The following ASIP variants were observed in gnomAD, a reference collection of about 807,000 sequenced individuals.
ASIP encodes the protein agouti-signaling protein.
ASIP carries 11 observed loss-of-function variants against 10.3 expected under a neutral mutation model. The ratio of observed to expected loss-of-function variants is 1.07; its 90% CI spans 0.68 to 1.78. The LOEUF (loss-of-function observed/expected upper bound fraction) is 1.78, where lower values mean the gene tolerates loss of function less well. Ranked by LOEUF, ASIP falls within the 40% of genes most tolerant of loss-of-function variation. The pLI, the probability that ASIP is intolerant of heterozygous loss-of-function variation, is 0.00. For missense variants in ASIP, 180 were observed against 169.2 expected, an observed-to-expected ratio of 1.06 and a Z score of -0.35; for synonymous variants, 70 against 70.8, an observed-to-expected ratio of 0.99 and a Z score of 0.06.
intron 1 of ASIP, among the ~76,000 whole-genome samples, chr20:34,221,506 A>G (rs560223923): frequency 8.3e-4 from 127 of 152,274 alleles, no homozygotes; most frequent in Middle Eastern, 3.4e-3. Flanking sequence ...AATCTGATCC[A>G]TGGGTTGAAA....
chr20:34,209,925 C>T lies in ASIP; in HGVS notation c.-11+15165C>T, dbSNP rs2034962575. ...TAGTGGTGCCTTTTCCCAGCCCACC[C>T]ATGGCTGCCCATGGACCAATCAGTG... On this transcript the variant is annotated intron_variant, in intron 1 of 3. Coordinates refer to the ASIP transcript ENST00000568305. Among the ~76,000 whole-genome samples, 6 of 152,184 alleles carry T rather than the reference C, an allele frequency of 3.9e-5. No homozygotes were observed. The South Asian group carries it at 1.2e-3, about 32-fold the overall frequency.
chr20:34,226,346 G>A (rs931822234), intron 1 of ASIP, among the ~76,000 whole-genome samples: 2 of 151,566 alleles, frequency 1.3e-5, no homozygotes, highest in African/African-American at 4.8e-5. Context: ...CATTTATTCT[G>A]ATTTTTTTTT....
intron 1 of ASIP, among the ~76,000 whole-genome samples, chr20:34,251,025 G>A (rs898032021): frequency 6.6e-6 from 1 of 152,030 alleles, no homozygotes; most frequent in African/African-American, 2.4e-5. Context: ...GTGCACGCAC[G>A]TCAACAAGAC....
At chr20:34,214,328 A>T in intron 1 of ASIP, 1 of 1,328,922 alleles carries the variant, frequency 7.5e-7, no homozygotes, top group Non-Finnish European at 1.1e-6. Context: ...CAACTGTGAA[A>T]AACTTTTCAT....
At chr20:34,189,406 C>A in the ASIP span, among the ~76,000 whole-genome samples, 2 of 152,066 alleles carry the variant, frequency 1.3e-5, no homozygotes, top group African/African-American at 4.8e-5. Flanking sequence ...CCACGCCCGG[C>A]TAATTTTGTA....
At chr20:34,221,962 T>G (rs1406872940) in intron 1 of ASIP, among the ~76,000 whole-genome samples, 1 of 152,020 alleles carries the variant, frequency 6.6e-6, no homozygotes, top group East Asian at 1.9e-4. Context: ...ATACAAAAAT[T>G]AGCCAGGTGT....
At chr20:34,253,447 T>TTTA (rs753952407) in intron 1 of ASIP, among the ~76,000 whole-genome samples, 5,819 of 103,700 alleles carry the variant, frequency 0.056, 431 homozygotes, top group African/African-American at 0.36. Context: ...TTTTATTTTA[T>TTTA]TTTATTTATT....
chr20:34,259,964 T>C (rs1190401206), intron 1 of ASIP, among the ~76,000 whole-genome samples: 1 of 151,970 alleles, frequency 6.6e-6, no homozygotes, highest in Non-Finnish European at 1.5e-5. Context: ...ATTCTGTACA[T>C]CTTAATAAAA....
At chr20:34,192,193 A>C (rs536304892), upstream of ASIP, among the ~76,000 whole-genome samples, 1 of 151,274 alleles carries the variant, frequency 6.6e-6, no homozygotes, top group African/African-American at 2.4e-5. Flanking sequence ...TGAGCCACCA[A>C]GCCCAGGTAA....
chr20:34,263,380 C>T (rs975439148), intron 3 of ASIP, among the ~76,000 whole-genome samples: 2 of 152,128 alleles, frequency 1.3e-5, no homozygotes, highest in African/African-American at 2.4e-5. Context: ...GCCTGGCCAA[C>T]ATGGTGAAAC....
At chr20:34,257,649 A>G (rs1228274959) in intron 1 of ASIP, among the ~76,000 whole-genome samples, 1 of 152,148 alleles carries the variant, frequency 6.6e-6, no homozygotes, top group Admixed American at 6.5e-5. Flanking sequence ...ACAGCATGAT[A>G]TAATAATAAG....
At chr20:34,220,555 A>G (rs533038122) in intron 1 of ASIP, among the ~76,000 whole-genome samples, 1 of 151,952 alleles carries the variant, frequency 6.6e-6, no homozygotes, top group East Asian at 1.9e-4. Context: ...AGATCATGCC[A>G]CTGCACTCCA....
intron 1 of ASIP, among the ~76,000 whole-genome samples, chr20:34,252,699 G>C (rs918242898): frequency 6.6e-6 from 1 of 152,120 alleles, no homozygotes; most frequent in Non-Finnish European, 1.5e-5. Context: ...CCCTTTATGG[G>C]TGTCGGGTTG....
chr20:34,195,622 G>A (rs970185820), intron 1 of ASIP, among the ~76,000 whole-genome samples: 1 of 152,176 alleles, frequency 6.6e-6, no homozygotes, highest in African/African-American at 2.4e-5. Context: ...TAAGAAAGCT[G>A]ACCGACATTT....
intron 2 of ASIP, among the ~76,000 whole-genome samples, chr20:34,261,170 A>G (rs531759754): frequency 1.3e-5 from 2 of 152,318 alleles, no homozygotes; most frequent in Non-Finnish European, 2.9e-5. Context: ...CTCAAAACTA[A>G]TATCTCTTAC....
chr20:34,216,358 GC>G (rs2035009025), intron 1 of ASIP, among the ~76,000 whole-genome samples: 2 of 152,232 alleles, frequency 1.3e-5, no homozygotes, highest in Admixed American at 1.3e-4. Context: ...GCGGGCGGCA[GC>G]CCGCGGGCTG....
intron 1 of ASIP, among the ~76,000 whole-genome samples, chr20:34,226,844 CT>C (rs1247172490): frequency 6.6e-6 from 1 of 152,086 alleles, no homozygotes; most frequent in Non-Finnish European, 1.5e-5. Flanking sequence ...CCATCTTGGC[CT>C]CCCCAAAATG....
chr20:34,201,039 TCTTTCTTTCTTTCTTTCTTTC>T (rs1179851320), intron 1 of ASIP, among the ~76,000 whole-genome samples: 1 of 112,622 alleles, frequency 8.9e-6, no homozygotes, highest in African/African-American at 3.8e-5. Context: ...TTTCTTTCTT[TCTTTCTTTCTTTCTTTCTTTC>T]TTTTTTTTCC....
chr20:34,227,935 G>A (rs567827818), intron 1 of ASIP, among the ~76,000 whole-genome samples: 2 of 152,278 alleles, frequency 1.3e-5, no homozygotes, highest in South Asian at 4.1e-4. Flanking sequence ...TCAGAATAGA[G>A]AGTCTAGGAA....
Sources: gnomAD v4.1 joint callset for allele counts (sites outside exome capture counted in the v4.1 genomes callset) on GRCh38, gnomAD v4.1.1 for gene constraint, MANE v1.5 for transcripts, NCBI Gene and HGNC (gene_info 2026-07-23, HGNC 2026-07-21) for gene names.